UNC13C: variants seen among roughly 807,000 people sequenced by gnomAD.
The protein encoded by UNC13C is protein unc-13 homolog C.
UNC13C carries 174 observed loss-of-function variants against 245.4 expected under a neutral mutation model. The ratio of observed to expected loss-of-function variants is 0.71; its 90% CI spans 0.63 to 0.80. The LOEUF is 0.80. Ranked by LOEUF, UNC13C falls within the 30% of genes least tolerant of loss-of-function variation. UNC13C has a pLI of 0.00. For synonymous variants in UNC13C, 992 were observed against 895.1 expected, an observed-to-expected ratio of 1.11 and a Z score of -1.93; for missense variants, 2,829 against 2,602.9, an observed-to-expected ratio of 1.09 and a Z score of -1.89.
intron 17 of UNC13C, among the ~76,000 whole-genome samples, chr15:54,358,203 G>A (rs1198118787): frequency 6.6e-6 from 1 of 151,986 alleles, no homozygotes; most frequent in Admixed American, 6.6e-5. Context: ...CCATTACCAT[G>A]CTGTTTTGGT....
intron 2 of UNC13C, among the ~76,000 whole-genome samples, chr15:54,082,398 A>G (rs1215316497): frequency 6.6e-6 from 1 of 152,122 alleles, no homozygotes; most frequent in African/African-American, 2.4e-5. Flanking sequence ...CTCTATCATA[A>G]TGCCGATTAG....
rs561271262 is a variant in UNC13C at position 54,280,823 on chromosome 15, A to T, written c.3819-13072A>T. Among the ~76,000 whole-genome samples the T allele has an allele frequency of 6.0e-5, 9 of 150,794 alleles. No individual in the cohort carries two copies. In the South Asian group the frequency reaches 1.9e-3, roughly 32 times the overall value. The stretch of plus-strand genomic sequence containing the variant: ...ATACTTTTTAAAAAAATTGTGACAG[A>T]GTCTCACTCTGTCGCCCAGGCTAGA... On this transcript the variant is annotated intron_variant, in intron 10 of 32. Transcript: ENST00000260323.
intron 17 of UNC13C, among the ~76,000 whole-genome samples, chr15:54,350,093 G>A (rs943104323): frequency 4.0e-5 from 6 of 151,830 alleles, no homozygotes; most frequent in Non-Finnish European, 7.4e-5. Context: ...CTGGCTTCAC[G>A]CCAGTCTCCT....
At chr15:54,514,881 G>T (rs1894902161) in intron 24 of UNC13C, among the ~76,000 whole-genome samples, 1 of 152,100 alleles carries the variant, frequency 6.6e-6, no homozygotes, top group African/African-American at 2.4e-5. Context: ...AGCAATCATT[G>T]TTAGACAGTT....
the UNC13C span, among the ~76,000 whole-genome samples, chr15:53,957,711 AG>A: frequency 6.6e-6 from 1 of 152,188 alleles, no homozygotes; most frequent in Non-Finnish European, 1.5e-5. Flanking sequence ...ATTCAATTAC[AG>A]CATATTAAAT....
At chr15:54,363,636 A>T (rs1366637613) in intron 17 of UNC13C, among the ~76,000 whole-genome samples, 2 of 152,236 alleles carry the variant, frequency 1.3e-5, no homozygotes, top group Non-Finnish European at 2.9e-5. Flanking sequence ...ATATGTGTTT[A>T]TAAAAGTGTA....
At chr15:54,332,588 A>C (rs2038468114) in intron 15 of UNC13C, among the ~76,000 whole-genome samples, 1 of 151,968 alleles carries the variant, frequency 6.6e-6, no homozygotes, top group African/African-American at 2.4e-5. Flanking sequence ...CCCAGAATTC[A>C]TTGTCAACAA....
At chr15:54,004,875 G>T (rs797013152) in intron 1 of UNC13C, among the ~76,000 whole-genome samples, 25 of 152,290 alleles carry the variant, frequency 1.6e-4, no homozygotes, top group African/African-American at 5.1e-4. Context: ...TTCCTGTAGA[G>T]TTGTTTGAGC....
At chr15:54,145,588 C>T (rs1394147050) in intron 4 of UNC13C, among the ~76,000 whole-genome samples, 1 of 152,116 alleles carries the variant, frequency 6.6e-6, no homozygotes, top group Admixed American at 6.5e-5. Flanking sequence ...ACTACAACAC[C>T]ATGAATACTG....
At chr15:54,026,439 C>A (rs1221659109) in intron 2 of UNC13C, among the ~76,000 whole-genome samples, 1 of 152,148 alleles carries the variant, frequency 6.6e-6, no homozygotes, top group East Asian at 1.9e-4. Flanking sequence ...AGTTAGAACA[C>A]CTGGCCTGTA....
chr15:53,989,332 T>TAAA lies in UNC13C; in HGVS notation c.-257+10415_-257+10417dup, dbSNP rs10675554. 3.4e-3 allele frequency among the ~76,000 whole-genome samples: 502 copies of TAAA among 145,516 alleles called. 4 individuals carry two copies. Among genetic ancestry groups the TAAA allele is most frequent in the African/African-American group, 0.012 (477 of 40,060 alleles). On this transcript the variant is annotated intron_variant, in intron 1 of 32. Transcript: ENST00000260323. Reference sequence around the variant, plus strand: ...TGATTAACAAGCACTGCTTAATTGTTAAAAAAAAAAAATGTAGGCAATGTT... The same window carrying TAAA: ...TGATTAACAAGCACTGCTTAATTGTTAAAAAAAAAAAAAAATGTAGGCAATGTT...
intron 17 of UNC13C, among the ~76,000 whole-genome samples, chr15:54,388,107 C>T (rs1468025378): frequency 1.3e-5 from 2 of 152,126 alleles, no homozygotes; most frequent in Non-Finnish European, 2.9e-5. Context: ...AATGACGAAA[C>T]ACAAATATCC....
At chr15:54,151,959 T>G (rs1197605364) in intron 4 of UNC13C, among the ~76,000 whole-genome samples, 1 of 152,192 alleles carries the variant, frequency 6.6e-6, no homozygotes, top group Non-Finnish European at 1.5e-5. Flanking sequence ...TGTGAGCCAC[T>G]AACTCGACCT....
At chr15:53,856,147 AT>A in the UNC13C span, among the ~76,000 whole-genome samples, 2 of 152,080 alleles carry the variant, frequency 1.3e-5, no homozygotes, top group African/African-American at 4.8e-5. Flanking sequence ...ACACTTTATC[AT>A]TTTTGAACGT....
At chr15:54,118,950 A>C (rs1395824033) in intron 2 of UNC13C, among the ~76,000 whole-genome samples, 1 of 150,248 alleles carries the variant, frequency 6.7e-6, no homozygotes, top group African/African-American at 2.5e-5. Context: ...ATTGATTGAC[A>C]TGAGTATCTT....
At chr15:54,180,123 A>G (rs983530220) in intron 4 of UNC13C, among the ~76,000 whole-genome samples, 12 of 152,164 alleles carry the variant, frequency 7.9e-5, no homozygotes, top group African/African-American at 2.6e-4. Context: ...AGTACTGAAC[A>G]TAGCACCTGA....
chr15:54,614,084 C>T (rs576715233), intron 30 of UNC13C, among the ~76,000 whole-genome samples: 7 of 152,106 alleles, frequency 4.6e-5, no homozygotes, highest in African/African-American at 1.7e-4. Context: ...TCCTTTTTAA[C>T]TCTTAATCAG....
chr15:54,025,276 C>T (rs541925367), intron 2 of UNC13C, among the ~76,000 whole-genome samples: 4 of 152,134 alleles, frequency 2.6e-5, no homozygotes, highest in African/African-American at 4.8e-5. Context: ...ATTTGTTATG[C>T]GTGTATGTGT....
chr15:54,048,066 G>C (rs1263423090), intron 2 of UNC13C, among the ~76,000 whole-genome samples: 1 of 152,084 alleles, frequency 6.6e-6, no homozygotes, highest in Non-Finnish European at 1.5e-5. Flanking sequence ...CACAGCAAGT[G>C]CTTATACTTA....
Sources: gnomAD v4.1 joint callset for allele counts (sites outside exome capture counted in the v4.1 genomes callset) on GRCh38, gnomAD v4.1.1 for gene constraint, MANE v1.5 for transcripts, NCBI Gene and HGNC (gene_info 2026-07-23, HGNC 2026-07-21) for gene names.